The following MYO6 variants were observed in gnomAD, a reference collection of about 807,000 sequenced individuals.
MYO6 encodes myosin VI, also known as unconventional myosin-VI.
Under a neutral mutation model 178.7 loss-of-function variants are expected in MYO6, and 74 were observed. That is an observed-to-expected ratio of 0.41 (90% confidence interval 0.34 to 0.50). The LOEUF (loss-of-function observed/expected upper bound fraction) is 0.50. MYO6 is among the 20% of genes least tolerant of loss of function. MYO6 has a pLI of 0.09. For missense variants in MYO6, 1,330 were observed against 1,547.4 expected, an observed-to-expected ratio of 0.86 and a Z score of 2.36; for synonymous variants, 477 against 504.6, an observed-to-expected ratio of 0.95 and a Z score of 0.73.
At chr6:75,806,066 AT>A (rs1296180947) in intron 1 of MYO6, among the ~76,000 whole-genome samples, 2 of 152,222 alleles carry the variant, frequency 1.3e-5, no homozygotes, top group Non-Finnish European at 2.9e-5. Context: ...ATCAGACTTC[AT>A]TAATGAAGGA....
rs117664836 is a variant in MYO6 at position 75,836,872 on chromosome 6, C to G, written c.553+916C>G. On this transcript the variant is annotated intron_variant, in intron 7 of 34. Transcript: ENST00000369977. The stretch of plus-strand genomic sequence containing the variant: ...TGTTGGGATTATAGGGGTGAGCCAC[C>G]GCGCCCAGCTGGAATAATTTCTTTT... Among the ~76,000 whole-genome samples the G allele has an allele frequency of 0.013, 1,996 of 152,198 alleles. 75 individuals are homozygous for G. In the East Asian group the frequency reaches 0.15, roughly 11 times the overall value.
At chr6:75,889,960 T>C in intron 25 of MYO6, 97 bp from the exon 26 acceptor site, 1 of 864,604 alleles carries the variant, frequency 1.2e-6, no homozygotes. Context: ...ATCTTAGCCA[T>C]TTTTCAGTTT....
chr6:75,811,735 A>G (rs1253497577), intron 1 of MYO6, among the ~76,000 whole-genome samples: 1 of 152,162 alleles, frequency 6.6e-6, no homozygotes, highest in Non-Finnish European at 1.5e-5. Context: ...ATTTAAAATT[A>G]CCACAACTAT....
rs1769047851 is a variant in MYO6 at position 75,798,107 on chromosome 6, GT to G, written c.-47-19391del. 3.9e-5 allele frequency among the ~76,000 whole-genome samples: 6 copies of G among 152,242 alleles called. No homozygotes were observed. The South Asian group carries it at 1.2e-3, about 32-fold the overall frequency. On this transcript the variant is annotated intron_variant, in intron 1 of 34. Coordinates refer to ENST00000369977, the MANE Select transcript of MYO6 (RefSeq NM_004999.4). ...CTAGGTTTTCTTCTAGATTTTTATA[GT>G]TTGAGGTCTTATATTTGAATCTTTA...
chr6:75,775,566 G>C (rs1766300192), intron 1 of MYO6, among the ~76,000 whole-genome samples: 1 of 152,206 alleles, frequency 6.6e-6, no homozygotes, highest in Non-Finnish European at 1.5e-5. Context: ...CAACCTTGAG[G>C]GCTGTGCTGC....
intron 1 of MYO6, among the ~76,000 whole-genome samples, chr6:75,814,602 C>T (rs561307918): frequency 3.9e-5 from 6 of 152,120 alleles, no homozygotes; most frequent in Non-Finnish European, 7.3e-5. Context: ...TGGCTCACGC[C>T]TGTAATCCCA....
chr6:75,803,952 G>A (rs1271940475), intron 1 of MYO6, among the ~76,000 whole-genome samples: 1 of 152,140 alleles, frequency 6.6e-6, no homozygotes, highest in African/African-American at 2.4e-5. Flanking sequence ...GGAGTACAGT[G>A]GCACGATCAT....
intron 23 of MYO6, among the ~76,000 whole-genome samples, chr6:75,885,302 G>A (rs1778342628): frequency 6.6e-6 from 1 of 152,186 alleles, no homozygotes. Flanking sequence ...GGGAGGCTGA[G>A]GTGGGAGGAT....
chr6:75,835,289 A>G (rs1773527338), intron 6 of MYO6, among the ~76,000 whole-genome samples: 1 of 152,224 alleles, frequency 6.6e-6, no homozygotes, highest in African/African-American at 2.4e-5. Context: ...CAATACAAAT[A>G]GAATTTATTT....
intron 7 of MYO6, 114 bp from the exon 8 acceptor site, chr6:75,840,470 AT>A: frequency 1.3e-6 from 1 of 784,346 alleles, no homozygotes; most frequent in Middle Eastern, 3.2e-4. Flanking sequence ...CCATGTTAAT[AT>A]TTTTTAGAAC....
intron 1 of MYO6, among the ~76,000 whole-genome samples, chr6:75,750,634 A>T (rs1776802361): frequency 6.6e-6 from 1 of 150,514 alleles, no homozygotes; most frequent in South Asian, 2.1e-4. Context: ...TTTGAGACAG[A>T]GCCTCGCTCT....
intron 19 of MYO6, among the ~76,000 whole-genome samples, chr6:75,872,784 A>G (rs1777253709): frequency 7.1e-6 from 1 of 140,906 alleles, no homozygotes; most frequent in Non-Finnish European, 1.6e-5. Flanking sequence ...TAAAATTTTG[A>G]GTTTTTTTTT....
In MYO6 at chr6:75,881,836, C is replaced by T. The variant is rs775207214; in HGVS notation, c.2416+18C>T. 6.2e-6 allele frequency: 10 copies of T among 1,612,470 alleles called. No homozygotes were observed. In the South Asian group the frequency reaches 8.8e-5, roughly 14 times the overall value. ...CATCAAATGTAGGTGTTTTCCTTTA[C>T]ACCTATAGGATCTTTCATTGTTTCA... On this transcript the variant is annotated intron_variant, in intron 23 of 34. Coordinates refer to ENST00000369977, the MANE Select transcript of MYO6 (RefSeq NM_004999.4).
At chr6:75,871,536 C>G (rs1409358869) in intron 19 of MYO6, among the ~76,000 whole-genome samples, 1 of 152,180 alleles carries the variant, frequency 6.6e-6, no homozygotes, top group African/African-American at 2.4e-5. Flanking sequence ...AGGCGTGAGC[C>G]ACGGCACCTA....
At chr6:75,872,868 C>T (rs1777263175) in intron 19 of MYO6, among the ~76,000 whole-genome samples, 1 of 152,006 alleles carries the variant, frequency 6.6e-6, no homozygotes, top group African/African-American at 2.4e-5. Context: ...CAACCTCCAC[C>T]TCCTGGGTTC....
chr6:75,805,019 ATATT>A (rs1769905966), intron 1 of MYO6, among the ~76,000 whole-genome samples: 1 of 61,376 alleles, frequency 1.6e-5, no homozygotes, highest in Middle Eastern at 5.0e-3. Context: ...ATATATATAT[ATATT>A]TTTTTTTTTT....
Position 75,885,991 on chromosome 6 carries a change from C to G in MYO6, c.2417-13C>G. ...AATAATTTTCTATCATTTTATTTTA[C>G]TCTTACACATAGTGAAAAACAAAAT... On this transcript the variant is annotated splice_polypyrimidine_tract_variant and intron_variant, in intron 23 of 34. Transcript: ENST00000369977. 6.8e-7 allele frequency: 1 copy of G among 1,481,200 alleles called. No homozygotes were observed. The highest frequency in any genetic ancestry group is 9.4e-7 in the Non-Finnish European group (1 of 1,062,712). The allele number at this position is 1,481,200 out of a possible 1,614,324, so 91.8% of individuals were successfully genotyped here.
intron 33 of MYO6, among the ~76,000 whole-genome samples, chr6:75,912,681 G>A (rs1052366712): frequency 6.6e-6 from 1 of 152,022 alleles, no homozygotes; most frequent in African/African-American, 2.4e-5. Context: ...TTTAGATGGA[G>A]GGAAGGTTTT....
chr6:75,886,772 T>A (rs1374807025), intron 24 of MYO6, 72 bp from the exon 25 acceptor site: 1 of 1,441,524 alleles, frequency 6.9e-7, no homozygotes, highest in Non-Finnish European at 9.7e-7. Flanking sequence ...CTGTTTAGCA[T>A]TTTATAAATG....
Sources: gnomAD v4.1 joint callset for allele counts (sites outside exome capture counted in the v4.1 genomes callset) on GRCh38, gnomAD v4.1.1 for gene constraint, MANE v1.5 for transcripts, NCBI Gene and HGNC (gene_info 2026-07-23, HGNC 2026-07-21) for gene names.